The following RAB30 variants were observed in gnomAD, a reference collection of about 807,000 sequenced individuals.
RAB30 encodes ras-related protein Rab-30.
A neutral mutation model predicts 25.1 loss-of-function variants in RAB30; 9 were observed. That is an observed-to-expected ratio of 0.36 (90% CI 0.22 to 0.63). The LOEUF is 0.63. Among genes scored for constraint, RAB30 ranks in the 20% least tolerant of loss-of-function variants. The probability of loss-of-function intolerance (pLI) is 0.69; values close to 1 mark genes in which losing one functional copy is unlikely to be tolerated. For synonymous variants in RAB30, 77 were observed against 86.4 expected (o/e 0.89, Z 0.60); for missense variants, 140 against 243.5 (o/e 0.58, Z 2.83).
rs1300479324 is a variant in RAB30 at position 82,973,662 on chromosome 11, A to G, written c.*8503T>C. On this transcript the variant is annotated 3_prime_UTR_variant, in exon 5 of 5. Transcript: ENST00000527633. Reference sequence around the variant, plus strand: ...TATTCAGAGGTCTCCTAATTGATCAATTAAACTAAGATCGTAAGTTGCACT... The same window carrying G: ...TATTCAGAGGTCTCCTAATTGATCAGTTAAACTAAGATCGTAAGTTGCACT... The G allele has an allele frequency of 1.3e-5, 2 of 152,198 alleles. No individual in the cohort carries two copies. Among genetic ancestry groups the G allele is most frequent in the African/African-American group, 4.8e-5 (2 of 41,462 alleles). 9.4% of individuals were successfully genotyped at this position (152,198 alleles called of 1,614,324 possible). A position where few individuals can be genotyped will look rare whatever the true frequency, so the allele number is the denominator to read the frequency against.
intron 1 of RAB30, among the ~76,000 whole-genome samples, chr11:83,071,020 G>C (rs948922565): frequency 1.3e-5 from 2 of 152,212 alleles, no homozygotes; most frequent in African/African-American, 4.8e-5. Flanking sequence ...CCAGCAGTCG[G>C]AGAACGGAAA....
intron 1 of RAB30, among the ~76,000 whole-genome samples, chr11:83,061,710 C>CTTTTTTTTTT (rs569263010): frequency 4.5e-3 from 353 of 79,126 alleles, no homozygotes; most frequent in Non-Finnish European, 5.4e-3. Flanking sequence ...TCTTTCTTTT[C>CTTTTTTTTTT]TTTTTTTTTT....
intron 1 of RAB30, among the ~76,000 whole-genome samples, chr11:83,016,475 T>C (rs1857440692): frequency 6.6e-6 from 1 of 152,254 alleles, no homozygotes; most frequent in South Asian, 2.1e-4. Context: ...TAAGAAATAC[T>C]ACAGCATATT....
chr11:83,010,128 C>G (rs1382212846), intron 1 of RAB30, among the ~76,000 whole-genome samples: 1 of 152,080 alleles, frequency 6.6e-6, no homozygotes, highest in Non-Finnish European at 1.5e-5. Flanking sequence ...GAAGGGCTAA[C>G]AGAGAAGCCA....
intron 3 of RAB30, among the ~76,000 whole-genome samples, chr11:82,989,970 G>A (rs1016183024): frequency 5.9e-5 from 9 of 152,204 alleles, no homozygotes; most frequent in African/African-American, 2.2e-4. Context: ...TAAAATCAAC[G>A]CTGATTTCAA....
chr11:82,976,731 A>C lies in RAB30; in HGVS notation c.*5434T>G, dbSNP rs769110311. On this transcript the variant is annotated 3_prime_UTR_variant, in exon 5 of 5. Coordinates refer to ENST00000527633, the MANE Select transcript of RAB30 (RefSeq NM_001286060.2). ...GACCAATGACTTAAAAAAACAAAAC[A>C]AAACCATAAAAAAAGACCAATGAAG... 8.5e-5 allele frequency: 13 copies of C among 152,174 alleles called. No homozygotes were observed. Among genetic ancestry groups the C allele is most frequent in the Non-Finnish European group, 1.6e-4 (11 of 68,026 alleles). 9.4% of individuals were successfully genotyped at this position (152,174 alleles called of 1,614,324 possible).
In RAB30 at chr11:82,987,780, C is replaced by T; in HGVS notation, c.178-10G>A. 1 of 1,566,546 alleles carries T rather than the reference C, an allele frequency of 6.4e-7. No homozygotes were observed. Among genetic ancestry groups the T allele is most frequent in the Non-Finnish European group, 8.7e-7 (1 of 1,147,598 alleles). On this transcript the variant is annotated splice_polypyrimidine_tract_variant and intron_variant, in intron 3 of 4. Transcript: ENST00000527633. ...TGTCCCAGATCTGTAGCTGTAAAGG[C>T]ATAAGATAAGAATCAGGTGAAGAAG...
intron 1 of RAB30, among the ~76,000 whole-genome samples, chr11:83,005,907 G>C (rs1469424435): frequency 1.3e-5 from 2 of 150,732 alleles, no homozygotes; most frequent in Non-Finnish European, 2.9e-5. Context: ...AAGGACATGA[G>C]CAGATAATTC....
intron 1 of RAB30, among the ~76,000 whole-genome samples, chr11:83,025,665 G>C (rs940291636): frequency 3.3e-5 from 5 of 152,202 alleles, no homozygotes; most frequent in African/African-American, 1.2e-4. Flanking sequence ...AGCCAGGACA[G>C]ATAGGTAAAT....
intron 1 of RAB30, among the ~76,000 whole-genome samples, chr11:83,008,149 C>A (rs1254638541): frequency 3.9e-5 from 6 of 152,202 alleles, no homozygotes; most frequent in African/African-American, 1.4e-4. Context: ...GCTGAACACA[C>A]AAAGCAGCCT....
intron 1 of RAB30, among the ~76,000 whole-genome samples, chr11:83,049,582 G>T (rs1858312973): frequency 6.6e-6 from 1 of 151,600 alleles, no homozygotes; most frequent in Non-Finnish European, 1.5e-5. Context: ...CGGGGCTCAA[G>T]CAATCTTCTC....
intron 1 of RAB30, among the ~76,000 whole-genome samples, chr11:83,038,012 G>A (rs996422207): frequency 2.5e-4 from 38 of 152,170 alleles, no homozygotes; most frequent in African/African-American, 9.2e-4. Context: ...GGGAGTGGGA[G>A]AGGGTGAATG....
At chr11:83,009,257 G>A (rs1307691730) in intron 1 of RAB30, among the ~76,000 whole-genome samples, 1 of 152,024 alleles carries the variant, frequency 6.6e-6, no homozygotes, top group African/African-American at 2.4e-5. Flanking sequence ...GTAGAGACTG[G>A]GTTTCACCAT....
intron 1 of RAB30, 160 bp from the exon 2 acceptor site, chr11:82,997,484 G>T: frequency 1.7e-6 from 1 of 597,038 alleles, no homozygotes; most frequent in South Asian, 2.0e-5. Context: ...AGAAACACAG[G>T]TGTTTGGTCA....
intron 2 of RAB30, among the ~76,000 whole-genome samples, chr11:82,995,812 A>G (rs1856945613): frequency 6.6e-6 from 1 of 152,208 alleles, no homozygotes; most frequent in Admixed American, 6.5e-5. Context: ...CACTCTATCT[A>G]ATCTCACAAT....
rs114343761 is a variant in RAB30, at chr11:83,024,625, G to C, written c.-8-27301C>G. Reference sequence around the variant, plus strand: ...AGAAGGAAAACATTGTATATCTCTGGGGGTAGACAGAAAAGCCTTAGAGGA... The same window carrying C: ...AGAAGGAAAACATTGTATATCTCTGCGGGTAGACAGAAAAGCCTTAGAGGA... On this transcript the variant is annotated intron_variant, in intron 1 of 4. Transcript: ENST00000527633. Among the ~76,000 whole-genome samples the C allele has an allele frequency of 9.9e-3, 1,501 of 152,232 alleles. 17 individuals carry two copies. Among genetic ancestry groups the C allele is most frequent in the Middle Eastern group, 0.044 (13 of 294 alleles).
chr11:83,038,373 T>G (rs1858032265), intron 1 of RAB30, among the ~76,000 whole-genome samples: 1 of 152,182 alleles, frequency 6.6e-6, no homozygotes, highest in Admixed American at 6.5e-5. Flanking sequence ...GAACTGGATA[T>G]CCCATATCTG....
Position 82,987,776 on chromosome 11 carries a change from A to T in RAB30, c.178-6T>A. ...GCTGTGTCCCAGATCTGTAGCTGTA[A>T]AGGCATAAGATAAGAATCAGGTGAA... is the stretch of plus-strand genomic sequence containing the variant. On this transcript the variant is annotated splice_polypyrimidine_tract_variant and splice_region_variant and intron_variant, in intron 3 of 4. Transcript: ENST00000527633. The T allele has an allele frequency of 6.3e-7, 1 of 1,583,934 alleles. No individual in the cohort carries two copies. The highest frequency in any genetic ancestry group is 8.6e-7 in the Non-Finnish European group (1 of 1,158,104).
At chr11:83,059,370 C>T (rs192934811) in intron 1 of RAB30, among the ~76,000 whole-genome samples, 158 of 152,282 alleles carry the variant, frequency 1.0e-3, no homozygotes, top group Non-Finnish European at 1.7e-3. Flanking sequence ...CATATCTGTA[C>T]TTAGAGAACA....
Sources: allele counts gnomAD v4.1 joint callset (sites outside exome capture counted in the v4.1 genomes callset), GRCh38; gene constraint gnomAD v4.1.1; transcripts MANE v1.5; gene names NCBI Gene and HGNC (gene_info 2026-07-23, HGNC 2026-07-21).